The following NTNG1 variants were observed in gnomAD, a reference collection of about 807,000 sequenced individuals.
NTNG1 encodes netrin-G1.
NTNG1 carries 16 observed loss-of-function variants against 54.0 expected under a neutral mutation model. The observed-to-expected ratio is 0.30, with a 90% CI of 0.20 to 0.45. The LOEUF is 0.45. NTNG1 is among the 20% of genes least tolerant of loss of function. The pLI is 1.00. For synonymous variants in NTNG1, 255 were observed against 263.1 expected (o/e 0.97, Z 0.30); for missense variants, 530 against 678.7 (o/e 0.78, Z 2.43).
chr1:107,329,836 A>T (rs994120331), intron 3 of NTNG1, among the ~76,000 whole-genome samples: 2 of 152,022 alleles, frequency 1.3e-5, no homozygotes, highest in African/African-American at 4.8e-5. Context: ...ACGAAGATGC[A>T]CCAAGCATAG....
chr1:107,411,681 A>G (rs1673822268), intron 5 of NTNG1, among the ~76,000 whole-genome samples: 1 of 152,176 alleles, frequency 6.6e-6, no homozygotes, highest in African/African-American at 2.4e-5. Context: ...TTATGTAATG[A>G]GGAAAAAATT....
At chr1:107,429,926 A>G (rs1557993109) in intron 5 of NTNG1, among the ~76,000 whole-genome samples, 2 of 152,134 alleles carry the variant, frequency 1.3e-5, no homozygotes, top group Non-Finnish European at 2.9e-5. Flanking sequence ...CTGTCTAGTC[A>G]TTACCACCAT....
At chr1:107,458,548 G>A (rs953580466) in intron 7 of NTNG1, among the ~76,000 whole-genome samples, 1 of 152,144 alleles carries the variant, frequency 6.6e-6, no homozygotes, top group Admixed American at 6.5e-5. Flanking sequence ...TTGAGACATG[G>A]ACAGAAATGA....
chr1:107,155,128 A>T (rs1357128203), intron 2 of NTNG1, among the ~76,000 whole-genome samples: 3 of 152,042 alleles, frequency 2.0e-5, no homozygotes, highest in African/African-American at 7.2e-5. Context: ...CATATTCTCC[A>T]GAATTTTGGA....
At chr1:107,161,860 A>T (rs1048144671) in intron 2 of NTNG1, among the ~76,000 whole-genome samples, 1 of 151,166 alleles carries the variant, frequency 6.6e-6, no homozygotes, top group African/African-American at 2.4e-5. Context: ...CCATGCTTTT[A>T]TGCTTTTATA....
At chr1:107,365,524 A>G (rs575872513) in intron 3 of NTNG1, among the ~76,000 whole-genome samples, 2 of 152,352 alleles carry the variant, frequency 1.3e-5, no homozygotes, top group South Asian at 2.1e-4. Context: ...TAGGTAAGCC[A>G]ATATAATTTT....
intron 7 of NTNG1, among the ~76,000 whole-genome samples, chr1:107,455,076 T>G (rs912831934): frequency 1.3e-5 from 2 of 152,112 alleles, no homozygotes; most frequent in Admixed American, 6.5e-5. Context: ...TTTTTTTTTT[T>G]TTCTGAGACT....
chr1:107,398,165 G>A (rs894956006), intron 4 of NTNG1, among the ~76,000 whole-genome samples: 3 of 152,136 alleles, frequency 2.0e-5, no homozygotes, highest in Admixed American at 6.6e-5. Context: ...AGAATATCAA[G>A]TAGCCAGGAT....
chr1:107,269,552 C>G (rs1570546340), intron 2 of NTNG1, among the ~76,000 whole-genome samples: 1 of 152,180 alleles, frequency 6.6e-6, no homozygotes, highest in African/African-American at 2.4e-5. Context: ...TCCCCCTTCC[C>G]ATCATTTGTC....
intron 5 of NTNG1, among the ~76,000 whole-genome samples, chr1:107,413,919 C>G (rs1417285354): frequency 6.6e-6 from 1 of 151,710 alleles, no homozygotes; most frequent in Non-Finnish European, 1.5e-5. Context: ...ACATGGTAAA[C>G]AATAATAGAA....
At chr1:107,196,300 C>T (rs1321839616) in intron 2 of NTNG1, among the ~76,000 whole-genome samples, 5 of 151,972 alleles carry the variant, frequency 3.3e-5, no homozygotes, top group African/African-American at 1.2e-4. Flanking sequence ...CTCTGAGCCT[C>T]AGCTCCCTCC....
At chr1:107,230,637 G>T (rs967232472) in intron 2 of NTNG1, among the ~76,000 whole-genome samples, 7 of 152,088 alleles carry the variant, frequency 4.6e-5, no homozygotes, top group Non-Finnish European at 1.0e-4. Context: ...CTTAGGTATG[G>T]TTTTCTATAT....
chr1:107,355,069 C>T (rs1304148930), intron 3 of NTNG1, among the ~76,000 whole-genome samples: 1 of 152,058 alleles, frequency 6.6e-6, no homozygotes, highest in African/African-American at 2.4e-5. Flanking sequence ...TTTTAGTGAA[C>T]AGATATTTTA....
In NTNG1 at chr1:107,399,071, A is replaced by G. The variant is rs546623398; in HGVS notation, c.1060+3745A>G. Among the ~76,000 whole-genome samples the G allele has an allele frequency of 2.0e-5, 3 of 152,184 alleles. No homozygotes were observed. The South Asian group carries it at 6.2e-4, about 32-fold the overall frequency. ...CTTCTCTGGCTATGTTCTATGACCC[A>G]TAAAAGCACTCCATGGCCAGCTAAG... On this transcript the variant is annotated intron_variant, in intron 4 of 7. Coordinates refer to ENST00000370068, the MANE Select transcript of NTNG1 (RefSeq NM_001113226.3).
chr1:107,436,619 G>C lies in NTNG1; in HGVS notation c.1256-46G>C, dbSNP rs775007496. On this transcript the variant is annotated intron_variant, in intron 6 of 7. Coordinates refer to ENST00000370068, the MANE Select transcript of NTNG1 (RefSeq NM_001113226.3). ...ACGCTCCTGTGTTGATAACCTGTAAGCCATGCAGACTTGTCTCCAGCCTGT... is the reference window on the plus strand; with the variant it reads ...ACGCTCCTGTGTTGATAACCTGTAACCCATGCAGACTTGTCTCCAGCCTGT... 7 of 1,589,858 alleles carry C rather than the reference G, an allele frequency of 4.4e-6. No individual in the cohort carries two copies. The African/African-American group carries it at 8.1e-5, about 18-fold the overall frequency.
At chr1:107,340,070 T>A (rs1668809851) in intron 3 of NTNG1, among the ~76,000 whole-genome samples, 1 of 152,080 alleles carries the variant, frequency 6.6e-6, no homozygotes, top group African/African-American at 2.4e-5. Context: ...GTTCTGATAG[T>A]CTCAATTTCG....
intron 3 of NTNG1, among the ~76,000 whole-genome samples, chr1:107,351,325 T>C (rs563545155): frequency 6.6e-6 from 1 of 152,126 alleles, no homozygotes; most frequent in East Asian, 1.9e-4. Flanking sequence ...CTGGATAATT[T>C]ATAAAGAAAA....
intron 7 of NTNG1, among the ~76,000 whole-genome samples, chr1:107,471,604 G>A (rs944085700): frequency 6.6e-6 from 1 of 152,128 alleles, no homozygotes; most frequent in East Asian, 1.9e-4. Flanking sequence ...GAATATAGAA[G>A]TCGTCTTTGA....
intron 2 of NTNG1, among the ~76,000 whole-genome samples, chr1:107,194,932 A>G (rs7554822): frequency 0.1 from 15,850 of 151,978 alleles, 2,710 homozygotes; most frequent in African/African-American, 0.36. Flanking sequence ...CTATAGGGAA[A>G]AAAAAGGCCT....
Sources: allele counts gnomAD v4.1 joint callset (sites outside exome capture counted in the v4.1 genomes callset), GRCh38; gene constraint gnomAD v4.1.1; transcripts MANE v1.5; gene names NCBI Gene and HGNC (gene_info 2026-07-23, HGNC 2026-07-21).